Variants in AFAP1 observed in about 807,000 individuals in gnomAD.
The protein encoded by AFAP1 is actin filament-associated protein 1.
AFAP1 carries 75 observed loss-of-function variants against 93.9 expected under a neutral mutation model. The observed-to-expected ratio is 0.80, with a 90% CI of 0.66 to 0.97. The LOEUF (loss-of-function observed/expected upper bound fraction) is 0.97. Ranked by LOEUF, AFAP1 falls within the 50% of genes least tolerant of loss-of-function variation. The pLI is 0.00. For missense variants in AFAP1, 1,201 were observed against 1,050.8 expected, an observed-to-expected ratio of 1.14 and a Z score of -1.98; for synonymous variants, 517 against 430.7, an observed-to-expected ratio of 1.20 and a Z score of -2.48.
chr4:7,786,427 A>C, intron 11 of AFAP1, 116 bp from the exon 12 acceptor site: 2 of 823,128 alleles, frequency 2.4e-6, no homozygotes, highest in Non-Finnish European at 2.0e-6. Context: ...TCACAGGGGC[A>C]GAGAAGAAAT....
At chr4:7,898,227 T>C (rs1162673003) in intron 1 of AFAP1, among the ~76,000 whole-genome samples, 1 of 152,080 alleles carries the variant, frequency 6.6e-6, no homozygotes, top group Non-Finnish European at 1.5e-5. Flanking sequence ...CTGGCCAACA[T>C]GGTGAAACCC....
intron 1 of AFAP1, among the ~76,000 whole-genome samples, chr4:7,895,074 A>G (rs1449242543): frequency 6.6e-6 from 1 of 152,214 alleles, no homozygotes; most frequent in Admixed American, 6.5e-5. Flanking sequence ...CCCGCTTCGC[A>G]GGGCTGGGGC....
rs12644407 is a variant in AFAP1 at position 7,792,308 on chromosome 4, C to T, written c.1412+1373G>A. On this transcript the variant is annotated intron_variant, in intron 11 of 17. Coordinates refer to ENST00000420658, the MANE Select transcript of AFAP1 (RefSeq NM_001134647.2). ...ATCTTTCCCCAAGCATGACTTCTGCCGATCTTTCAAATGTTGACCCCTTCA... is the reference window on the plus strand; with the variant it reads ...ATCTTTCCCCAAGCATGACTTCTGCTGATCTTTCAAATGTTGACCCCTTCA... Among the ~76,000 whole-genome samples, 55 of 152,212 alleles carry T rather than the reference C, an allele frequency of 3.6e-4. No individual in the cohort carries two copies. In the East Asian group the frequency reaches 6.8e-3, roughly 19 times the overall value.
rs150636154 is a variant in AFAP1, at chr4:7,885,476, G to A, written c.-2-13396C>T. On this transcript the variant is annotated intron_variant, in intron 1 of 17. Transcript: ENST00000420658. ...CCCCCGCCTCAGGCCGACCATCACCGCCTCTCTCCCGCTATGCTGTAATAA... is the reference window on the plus strand; with the variant it reads ...CCCCCGCCTCAGGCCGACCATCACCACCTCTCTCCCGCTATGCTGTAATAA... 3.7e-3 allele frequency among the ~76,000 whole-genome samples: 557 copies of A among 152,180 alleles called. 2 individuals carry two copies. Among genetic ancestry groups the A allele is most frequent in the African/African-American group, 0.013 (522 of 41,520 alleles).
At chr4:7,908,191 G>A (rs953971642) in intron 1 of AFAP1, among the ~76,000 whole-genome samples, 4 of 151,734 alleles carry the variant, frequency 2.6e-5, no homozygotes, top group East Asian at 3.9e-4. Context: ...CAGCCTGGGC[G>A]ACAGAGCAAG....
intron 3 of AFAP1, among the ~76,000 whole-genome samples, chr4:7,859,393 T>G (rs1025453841): frequency 1.3e-5 from 2 of 151,906 alleles, no homozygotes; most frequent in Non-Finnish European, 2.9e-5. Flanking sequence ...CACTCCAGCC[T>G]GGGCAACAGA....
intron 15 of AFAP1, chr4:7,774,507 G>T: frequency 1.8e-6 from 1 of 560,110 alleles, no homozygotes; most frequent in Non-Finnish European, 3.0e-6. Context: ...GGTGAGCAGC[G>T]TGTGGGTCTG....
At position 7,768,934 on chromosome 4, in the gene AFAP1, G is replaced by T; in HGVS notation, c.2328C>A (p.Pro776=). The change falls in exon 17 of 18, where the codon CCC becomes CCA. Residue 776 remains proline, a synonymous_variant. Transcript: ENST00000420658. ...SSCDTSDTEG[P]VPVNSAAVLK... ...AGACGGCCGCGCTGTTCACCGGCAC[G>T]GGGCCCTCGGTGTCACTGGTGTCAC... 6.2e-7 allele frequency: 1 copy of T among 1,613,830 alleles called. No individual in the cohort carries two copies. The highest frequency in any genetic ancestry group is 8.5e-7 in the Non-Finnish European group (1 of 1,179,858).
chr4:7,855,994 C>T (rs1451986751), intron 3 of AFAP1, among the ~76,000 whole-genome samples: 1 of 152,204 alleles, frequency 6.6e-6, no homozygotes. Flanking sequence ...GACTCTGGGA[C>T]TCCATGGCCC....
intron 8 of AFAP1, among the ~76,000 whole-genome samples, chr4:7,811,860 G>C (rs535241632): frequency 6.6e-6 from 1 of 152,136 alleles, no homozygotes; most frequent in Non-Finnish European, 1.5e-5. Context: ...ACGCAACACA[G>C]TCCCAGCATT....
At chr4:7,802,932 T>C (rs1041729373) in intron 9 of AFAP1, among the ~76,000 whole-genome samples, 2 of 152,154 alleles carry the variant, frequency 1.3e-5, no homozygotes, top group Non-Finnish European at 2.9e-5. Context: ...TATAGGCCAA[T>C]ACATTTAGTC....
chr4:7,868,691 C>T lies in AFAP1; in HGVS notation c.156G>A (p.Lys52=), dbSNP rs1278656197. ...CTGGCAGGCTGTTAGCGGTCTCCTG[C>T]TTCTGAGCATGGTCCTTCACATCAA... ...KGFDVKDHAQ[K]QETANSLPAP... Residue 52 remains lysine (K), a synonymous_variant, in exon 3 of 18, where the codon AAG becomes AAA. Coordinates refer to ENST00000420658, the MANE Select transcript of AFAP1 (RefSeq NM_001134647.2). The T allele has an allele frequency of 1.2e-6, 2 of 1,613,438 alleles. No individual in the cohort carries two copies. Among genetic ancestry groups the T allele is most frequent in the Non-Finnish European group, 1.7e-6 (2 of 1,179,950 alleles).
chr4:7,849,431 A>T (rs1714182240), intron 4 of AFAP1, among the ~76,000 whole-genome samples: 1 of 152,216 alleles, frequency 6.6e-6, no homozygotes, highest in Admixed American at 6.5e-5. Flanking sequence ...GCCTTCATCT[A>T]CTCAGTAAGT....
At chr4:7,895,064 C>A (rs1718688375) in intron 1 of AFAP1, among the ~76,000 whole-genome samples, 1 of 152,220 alleles carries the variant, frequency 6.6e-6, no homozygotes, top group South Asian at 2.1e-4. Context: ...GTCTCACACA[C>A]CCGCTTCGCA....
At chr4:7,785,299 CCAGA>C (rs1424846269) in intron 12 of AFAP1, among the ~76,000 whole-genome samples, 1 of 152,092 alleles carries the variant, frequency 6.6e-6, no homozygotes, top group East Asian at 1.9e-4. Flanking sequence ...ACTCCTAAGG[CCAGA>C]CAGACCCCCG....
At chr4:7,766,461 A>T (rs1188383003) in intron 17 of AFAP1, among the ~76,000 whole-genome samples, 1 of 152,212 alleles carries the variant, frequency 6.6e-6, no homozygotes, top group East Asian at 1.9e-4. Context: ...TTCCAAGCCT[A>T]GGTCACACTG....
At chr4:7,812,101 C>T (rs1164708562) in intron 8 of AFAP1, among the ~76,000 whole-genome samples, 1 of 152,104 alleles carries the variant, frequency 6.6e-6, no homozygotes, top group Admixed American at 6.5e-5. Flanking sequence ...AATGTTACTT[C>T]AACCAAACCA....
At chr4:7,927,909 T>G (rs1238129101) in intron 1 of AFAP1, among the ~76,000 whole-genome samples, 1 of 152,172 alleles carries the variant, frequency 6.6e-6, no homozygotes, top group Non-Finnish European at 1.5e-5. Flanking sequence ...TCAAAAATCT[T>G]CAAATCATGA....
intron 12 of AFAP1, among the ~76,000 whole-genome samples, 153 bp downstream of exon 12, chr4:7,786,041 C>G (rs13136890): frequency 0.4 from 60,204 of 152,056 alleles, 12,154 homozygotes; most frequent in Non-Finnish European, 0.44. Flanking sequence ...ATGTCAGAAA[C>G]CAGGAGAACA....
Sources: gnomAD v4.1 joint callset for allele counts (sites outside exome capture counted in the v4.1 genomes callset) on GRCh38, gnomAD v4.1.1 for gene constraint, MANE v1.5 for transcripts, NCBI Gene and HGNC (gene_info 2026-07-23, HGNC 2026-07-21) for gene names.